The following SEPTIN9 variants were observed in gnomAD, a reference collection of about 807,000 sequenced individuals.
The protein encoded by SEPTIN9 is septin-9.
In SEPTIN9, 13 loss-of-function variants were observed where a neutral mutation model predicts 56.6. The ratio of observed to expected loss-of-function variants is 0.23; its 90% CI spans 0.15 to 0.37. SEPTIN9 has a LOEUF of 0.37. Ranked by LOEUF, SEPTIN9 falls within the 10% of genes least tolerant of loss-of-function variation. SEPTIN9 has a pLI of 1.00. For missense variants in SEPTIN9, 650 were observed against 823.1 expected (o/e 0.79, Z 2.57); for synonymous variants, 332 against 334.1 (o/e 0.99, Z 0.07).
chr17:77,301,833 A>T (rs2032066978), intron 1 of SEPTIN9, among the ~76,000 whole-genome samples: 1 of 152,220 alleles, frequency 6.6e-6, no homozygotes, highest in Admixed American at 6.5e-5. Context: ...GTGACTTTTG[A>T]TAGAGGAGAG....
intron 2 of SEPTIN9, among the ~76,000 whole-genome samples, chr17:77,394,621 C>A (rs113902304): frequency 5.3e-5 from 8 of 152,186 alleles, no homozygotes; most frequent in African/African-American, 1.9e-4. Context: ...TTGGGCTCTA[C>A]CATTTCTTTG....
Position 77,405,099 on chromosome 17 carries a change from G to A in SEPTIN9, c.721+2396G>A. The A allele has an allele frequency of 1.3e-6, 2 of 1,535,494 alleles. No homozygotes were observed. Among genetic ancestry groups the A allele is most frequent in the Non-Finnish European group, 1.7e-6 (2 of 1,146,786 alleles). On this transcript the variant is annotated intron_variant, in intron 3 of 11. Transcript: ENST00000427177. The surrounding 1 kb of genome is among the most constrained non-coding windows in gnomAD (Gnocchi z 5.8). ...GCCATCTAAATCTCGGTGATGGCTG[G>A]TGCTGGATGCACAGGGACGTGGTCC...
chr17:77,339,840 A>G (rs965315770), intron 2 of SEPTIN9, among the ~76,000 whole-genome samples: 1 of 147,684 alleles, frequency 6.8e-6, no homozygotes, highest in Non-Finnish European at 1.5e-5. Context: ...GTTGTTTTTT[A>G]ATTGAGACAG....
At chr17:77,350,486 T>A (rs1200818952) in intron 2 of SEPTIN9, among the ~76,000 whole-genome samples, 1 of 152,182 alleles carries the variant, frequency 6.6e-6, no homozygotes, top group Admixed American at 6.5e-5. Context: ...AGAGAGAGTG[T>A]GAGTCAGGGT....
chr17:77,346,324 A>C, intron 2 of SEPTIN9, among the ~76,000 whole-genome samples: 1 of 92,934 alleles, frequency 1.1e-5, no homozygotes, highest in Non-Finnish European at 2.3e-5. Context: ...TTTCTAATAT[A>C]AGCACTTACA....
chr17:77,407,697 A>G (rs1326644265), intron 3 of SEPTIN9, among the ~76,000 whole-genome samples: 1 of 152,104 alleles, frequency 6.6e-6, no homozygotes, highest in Non-Finnish European at 1.5e-5. Flanking sequence ...GTGAGGTCTG[A>G]GCTTTATGCT....
intron 3 of SEPTIN9, among the ~76,000 whole-genome samples, chr17:77,444,160 G>A (rs934099181): frequency 2.0e-5 from 3 of 152,170 alleles, no homozygotes; most frequent in African/African-American, 7.2e-5. Flanking sequence ...ACAGGAGTGG[G>A]AATTCAGGCT....
chr17:77,407,445 C>G (rs560697690), intron 3 of SEPTIN9, among the ~76,000 whole-genome samples: 2 of 151,892 alleles, frequency 1.3e-5, no homozygotes, highest in Non-Finnish European at 2.9e-5. Context: ...CCCCATGGGT[C>G]GTCCCTAGAG....
chr17:77,320,255 G>C, intron 2 of SEPTIN9: 1 of 1,611,710 alleles, frequency 6.2e-7, no homozygotes, highest in Non-Finnish European at 8.5e-7. Context: ...GAGGGCGACG[G>C]GGGTGAGAAA....
At chr17:77,296,185 G>GC (rs2031803239) in intron 1 of SEPTIN9, among the ~76,000 whole-genome samples, 1 of 152,104 alleles carries the variant, frequency 6.6e-6, no homozygotes, top group Non-Finnish European at 1.5e-5. Flanking sequence ...AACCCTGACG[G>GC]CACCTTGATC....
intron 2 of SEPTIN9, among the ~76,000 whole-genome samples, chr17:77,379,712 C>T (rs952642549): frequency 4.6e-5 from 7 of 152,194 alleles, no homozygotes; most frequent in South Asian, 2.1e-4. Context: ...ATCATCGTGC[C>T]GGGGATGGGG....
rs2032827227 is a variant in SEPTIN9 at position 77,319,543 on chromosome 17, G to A, written c.76+12346G>A. The A allele has an allele frequency of 4.8e-6, 5 of 1,051,196 alleles. No individual in the cohort carries two copies. Among genetic ancestry groups the A allele is most frequent in the Non-Finnish European group, 5.7e-6 (5 of 870,426 alleles). 65.1% of individuals were successfully genotyped at this position (1,051,196 alleles called of 1,614,324 possible). A position where few individuals can be genotyped will look rare whatever the true frequency, so the allele number is the denominator to read the frequency against. On this transcript the variant is annotated intron_variant, in intron 2 of 11. Transcript: ENST00000427177. This position sits in a 1 kb window ranked among gnomAD's most constrained non-coding sequence, Gnocchi z 5.3. ...CTCTGTCACTGCAGACTAATGGGAC[G>A]GAGGGGGGTGACTTCTCAGGGTTCC... is the stretch of plus-strand genomic sequence containing the variant.
At chr17:77,432,846 T>C (rs1251829833) in intron 3 of SEPTIN9, among the ~76,000 whole-genome samples, 1 of 152,248 alleles carries the variant, frequency 6.6e-6, no homozygotes, top group African/African-American at 2.4e-5. Flanking sequence ...AGTTGCTGAC[T>C]TGTGAGCTGT....
chr17:77,386,011 G>A (rs557465215), intron 2 of SEPTIN9, among the ~76,000 whole-genome samples: 7 of 152,190 alleles, frequency 4.6e-5, no homozygotes, highest in Non-Finnish European at 1.0e-4. Context: ...AGCCCTTCCT[G>A]TTCCTCATCA....
In SEPTIN9 at chr17:77,421,058, CG is replaced by C. The variant is rs1838125300; in HGVS notation, c.721+18359del. Among the ~76,000 whole-genome samples, 1 of 152,094 alleles carries C rather than the reference CG, an allele frequency of 6.6e-6. No individual in the cohort carries two copies. The highest frequency in any genetic ancestry group is 6.6e-5 in the Admixed American group (1 of 15,262). ...TGGAGACGGGGTACTGTGCAGTGGT[CG>C]GGGTAGGGGTGGAGCTCTGCCGTCG... On this transcript the variant is annotated intron_variant, in intron 3 of 11. Coordinates refer to ENST00000427177, the MANE Select transcript of SEPTIN9 (RefSeq NM_001113491.2). This position sits in a 1 kb window ranked among gnomAD's most constrained non-coding sequence, Gnocchi z 4.6.
In SEPTIN9 at chr17:77,342,592, AC is replaced by A. The variant is rs771537130; in HGVS notation, c.76+35396del. ...AACCACACCGGCAATTTGAATAGCA[AC>A]TTGTAATATAAAGTGTTCTTAACTG... On this transcript the variant is annotated intron_variant, in intron 2 of 11. Transcript: ENST00000427177. 2.0e-4 allele frequency among the ~76,000 whole-genome samples: 31 copies of A among 152,346 alleles called. No homozygotes were observed. In the Middle Eastern group the frequency reaches 0.01, roughly 50 times the overall value.
chr17:77,467,022 C>T (rs2144539034), intron 3 of SEPTIN9, among the ~76,000 whole-genome samples: 1 of 152,308 alleles, frequency 6.6e-6, no homozygotes. Context: ...GTCTCAGTTA[C>T]TAAATCCAGT....
chr17:77,463,763 A>G (rs897904809), intron 3 of SEPTIN9, among the ~76,000 whole-genome samples: 4 of 152,088 alleles, frequency 2.6e-5, no homozygotes, highest in African/African-American at 4.8e-5. Context: ...GAATTGCTTG[A>G]ACCCGGGAGG....
chr17:77,402,364 T>G lies in SEPTIN9; in HGVS notation c.382T>G (p.Ser128Ala). Residue 128 changes from serine to alanine, a missense_variant, in exon 3 of 12, where the codon TCC becomes GCC. Transcript: ENST00000427177. This position sits in a 1 kb window ranked among gnomAD's most constrained non-coding sequence, Gnocchi z 6.6. ...GGAGAACGCCGGGGCCATCGGCCCG[T>G]CCCGGTTCGGGCTCAAGAGGGCCGA... ...QVENAGAIGP[S>A]RFGLKRAEVL... is the part of the protein sequence containing the mutation. 6.2e-7 allele frequency: 1 copy of G among 1,612,274 alleles called. No individual in the cohort carries two copies.
Sources: allele counts gnomAD v4.1 joint callset (sites outside exome capture counted in the v4.1 genomes callset), GRCh38; gene constraint gnomAD v4.1.1; non-coding constraint Gnocchi (gnomAD v3.1); transcripts MANE v1.5; gene names NCBI Gene and HGNC (gene_info 2026-07-23, HGNC 2026-07-21).